ANO10: variants seen among roughly 807,000 people sequenced by gnomAD.
ANO10 encodes the protein anoctamin 10, also known as anoctamin-10.
ANO10 carries 77 observed loss-of-function variants against 74.7 expected under a neutral mutation model. That is an observed-to-expected ratio of 1.03 (90% confidence interval 0.86 to 1.25). The LOEUF (loss-of-function observed/expected upper bound fraction) is 1.25, where lower values mean the gene tolerates loss of function less well. Among genes scored for constraint, ANO10 ranks in the 50% most tolerant of loss-of-function variants. The pLI is 0.00. For synonymous variants in ANO10, 279 were observed against 284.9 expected (o/e 0.98, Z 0.21); for missense variants, 721 against 778.1 (o/e 0.93, Z 0.87).
At chr3:43,423,244 C>G (rs536048344) in intron 12 of ANO10, among the ~76,000 whole-genome samples, 2 of 152,260 alleles carry the variant, frequency 1.3e-5, no homozygotes, top group African/African-American at 4.8e-5. Flanking sequence ...TGACCTGTTT[C>G]CATTTCTGCC....
intron 1 of ANO10, among the ~76,000 whole-genome samples, chr3:43,616,459 TGCATG>T (rs2083112010): frequency 6.6e-6 from 1 of 152,242 alleles, no homozygotes; most frequent in South Asian, 2.1e-4. Flanking sequence ...ATCATGCAGG[TGCATG>T]CTGCAGCTCA....
At chr3:43,450,439 G>T (rs924903666) in intron 11 of ANO10, among the ~76,000 whole-genome samples, 6 of 152,164 alleles carry the variant, frequency 3.9e-5, no homozygotes, top group Admixed American at 3.3e-4. Context: ...TACTCGGGAC[G>T]CTGAGGCAAG....
chr3:43,526,672 G>A (rs2078211440), intron 11 of ANO10, among the ~76,000 whole-genome samples: 1 of 152,126 alleles, frequency 6.6e-6, no homozygotes, highest in South Asian at 2.1e-4. Context: ...TTATGAATAT[G>A]TTCACTTCTT....
chr3:43,561,132 G>T, intron 9 of ANO10, 88 bp downstream of exon 9: 2 of 1,436,900 alleles, frequency 1.4e-6, no homozygotes, highest in South Asian at 1.2e-5. Flanking sequence ...TCACATCTGA[G>T]ATCATGAATG....
chr3:43,532,020 A>C (rs985613652), intron 11 of ANO10, among the ~76,000 whole-genome samples: 2 of 152,336 alleles, frequency 1.3e-5, no homozygotes, highest in Admixed American at 6.5e-5. Context: ...CACATTGCCA[A>C]GCAGCATCCT....
At position 43,485,822 on chromosome 3, in the gene ANO10, G is replaced by A. The variant is rs781691522; in HGVS notation, c.1798-53095C>T. The stretch of plus-strand genomic sequence containing the variant: ...GTAGTGGGGCAGTGTGTGGCATTCC[G>A]GGGTGTGCAGGCAGCGACCCACCAC... On this transcript the variant is annotated intron_variant, in intron 11 of 12. Transcript: ENST00000292246. The A allele has an allele frequency of 3.1e-4, 87 of 279,416 alleles. 3 individuals are homozygous for A. The highest frequency in any genetic ancestry group is 2.4e-3 in the South Asian group (71 of 29,868). 17.3% of individuals were successfully genotyped at this position (279,416 alleles called of 1,614,324 possible). A position where few individuals can be genotyped will look rare whatever the true frequency, so the allele number is the denominator to read the frequency against.
At chr3:43,528,240 T>A (rs978916527) in intron 11 of ANO10, among the ~76,000 whole-genome samples, 1 of 149,710 alleles carries the variant, frequency 6.7e-6, no homozygotes, top group Non-Finnish European at 1.5e-5. Context: ...TGTACAAGGT[T>A]ACTATGAAAA....
chr3:43,527,997 G>A (rs1468530264), intron 11 of ANO10, among the ~76,000 whole-genome samples: 2 of 151,968 alleles, frequency 1.3e-5, no homozygotes, highest in Non-Finnish European at 2.9e-5. Flanking sequence ...GAAAGCAAAA[G>A]GTAGAAATTA....
chr3:43,422,844 T>C (rs542553055), intron 12 of ANO10, among the ~76,000 whole-genome samples: 6 of 152,296 alleles, frequency 3.9e-5, no homozygotes, highest in Admixed American at 3.9e-4. Context: ...AAGACAACGA[T>C]CAGAAGAGCT....
Position 43,401,377 on chromosome 3 carries a change from A to G in ANO10, c.1914+31234T>C, listed in dbSNP as rs75110584. Among the ~76,000 whole-genome samples the G allele has an allele frequency of 2.0e-4, 30 of 152,106 alleles. 1 individual carries two copies. The East Asian group carries it at 4.6e-3, about 23-fold the overall frequency. On this transcript the variant is annotated intron_variant, in intron 12 of 12. Coordinates refer to ENST00000292246, the MANE Select transcript of ANO10 (RefSeq NM_018075.5). ...TGAAGTTCTGTTATTAAATCACTCTATGTAAAGATACATTAAATTTTTTAA... is the reference window on the plus strand; with the variant it reads ...TGAAGTTCTGTTATTAAATCACTCTGTGTAAAGATACATTAAATTTTTTAA...
chr3:43,410,665 G>A (rs2092650256), intron 12 of ANO10, among the ~76,000 whole-genome samples: 1 of 152,022 alleles, frequency 6.6e-6, no homozygotes, highest in South Asian at 2.1e-4. Context: ...AAAACCATGA[G>A]AACACACGGA....
At chr3:43,496,545 T>C (rs1319447080) in intron 11 of ANO10, among the ~76,000 whole-genome samples, 1 of 151,976 alleles carries the variant, frequency 6.6e-6, no homozygotes, top group Non-Finnish European at 1.5e-5. Context: ...GCAATCCTCC[T>C]ACCTCAGCCT....
chr3:43,529,374 A>C (rs530057074), intron 11 of ANO10, among the ~76,000 whole-genome samples: 1 of 152,294 alleles, frequency 6.6e-6, no homozygotes, highest in African/African-American at 2.4e-5. Context: ...ATCTTTTGCC[A>C]CTCAAAGTGG....
chr3:43,508,689 C>T (rs1381739298), intron 11 of ANO10, among the ~76,000 whole-genome samples: 2 of 151,010 alleles, frequency 1.3e-5, no homozygotes, highest in Non-Finnish European at 2.9e-5. Flanking sequence ...CAAACTATCG[C>T]AAGGACAAAA....
At chr3:43,636,221 G>C (rs531541901) in intron 1 of ANO10, 2 of 152,412 alleles carry the variant, frequency 1.3e-5, no homozygotes, top group East Asian at 3.9e-4. Context: ...TGCTGCTGTG[G>C]TTGACTCCAG....
chr3:43,621,434 T>C (rs1475181679), intron 1 of ANO10, among the ~76,000 whole-genome samples: 1 of 152,086 alleles, frequency 6.6e-6, no homozygotes, highest in African/African-American at 2.4e-5. Context: ...TAGTCCGCCC[T>C]GATCCCCGGA....
intron 11 of ANO10, among the ~76,000 whole-genome samples, chr3:43,486,182 T>C (rs1190245733): frequency 6.6e-6 from 1 of 152,212 alleles, no homozygotes. Context: ...GTTTACTATC[T>C]ATTCTCTCTG....
rs138306541 is a variant in ANO10 at position 43,535,141 on chromosome 3, T to G, written c.1797+14579A>C. On this transcript the variant is annotated intron_variant, in intron 11 of 12. Transcript: ENST00000292246. ...GGAGTGCACCACCACACCCGGCTAA[T>G]TTTTGTATTTTTAGTAGAGATAGGT... Among the ~76,000 whole-genome samples the G allele has an allele frequency of 6.2e-3, 939 of 152,018 alleles. 7 individuals carry two copies. Among genetic ancestry groups the G allele is most frequent in the African/African-American group, 0.021 (888 of 41,452 alleles).
chr3:43,626,418 C>A (rs2083492463), upstream of ANO10, among the ~76,000 whole-genome samples: 2 of 151,894 alleles, frequency 1.3e-5, no homozygotes, highest in African/African-American at 4.8e-5. Context: ...CATGCCTCAG[C>A]CTCCCGAGTA....
Sources: allele counts gnomAD v4.1 joint callset (sites outside exome capture counted in the v4.1 genomes callset), GRCh38; gene constraint gnomAD v4.1.1; transcripts MANE v1.5; gene names NCBI Gene and HGNC (gene_info 2026-07-23, HGNC 2026-07-21).